ABCA13: variants seen among roughly 807,000 people sequenced by gnomAD.
ABCA13 encodes ATP binding cassette subfamily A member 13, also known as ATP-binding cassette sub-family A member 13.
Under a neutral mutation model 478.7 loss-of-function variants are expected in ABCA13, and 476 were observed. The observed-to-expected ratio is 0.99, with a 90% CI of 0.92 to 1.07. The LOEUF (loss-of-function observed/expected upper bound fraction) is 1.07. ABCA13 is among the 50% of genes least tolerant of loss of function. The pLI is 0.00. For synonymous variants in ABCA13, 2,252 were observed against 2,158.9 expected (o/e 1.04, Z -1.20); for missense variants, 6,060 against 5,910.6 (o/e 1.03, Z -0.83).
At chr7:48,257,070 A>G (rs1191822435) in intron 15 of ABCA13, among the ~76,000 whole-genome samples, 1 of 151,948 alleles carries the variant, frequency 6.6e-6, no homozygotes, top group Non-Finnish European at 1.5e-5. Context: ...TTTTGTGGCT[A>G]TTGTGAATGT....
chr7:48,504,335 T>C (rs1204641773), intron 48 of ABCA13, among the ~76,000 whole-genome samples: 1 of 152,112 alleles, frequency 6.6e-6, no homozygotes, highest in African/African-American at 2.4e-5. Context: ...GGGTGAGGGA[T>C]TCATGAGTGT....
chr7:48,547,069 G>A (rs1430131415), intron 55 of ABCA13, among the ~76,000 whole-genome samples: 2 of 151,836 alleles, frequency 1.3e-5, no homozygotes, highest in East Asian at 3.9e-4. Context: ...TAAAAAAATG[G>A]TCTAACTGTG....
At chr7:48,197,217 G>A (rs144243449) in intron 2 of ABCA13, among the ~76,000 whole-genome samples, 452 of 152,292 alleles carry the variant, frequency 3.0e-3, no homozygotes, top group African/African-American at 0.01. Context: ...TGTGAAAACC[G>A]CTGTCAGGGC....
At chr7:48,293,297 T>C (rs774961548) in intron 20 of ABCA13, among the ~76,000 whole-genome samples, 2 of 150,526 alleles carry the variant, frequency 1.3e-5, no homozygotes, top group African/African-American at 4.9e-5. Flanking sequence ...TTTTCAGCAG[T>C]CTTCACATTT....
intron 42 of ABCA13, among the ~76,000 whole-genome samples, chr7:48,443,475 C>T (rs1471856035): frequency 6.6e-6 from 1 of 152,210 alleles, no homozygotes; most frequent in Non-Finnish European, 1.5e-5. Flanking sequence ...CTGGAAGCCT[C>T]TCAGCTCTTC....
chr7:48,462,333 C>T (rs1437561932), intron 43 of ABCA13, among the ~76,000 whole-genome samples: 2 of 151,936 alleles, frequency 1.3e-5, no homozygotes, highest in Non-Finnish European at 2.9e-5. Flanking sequence ...TTGTAGCTTC[C>T]AGGTATGAAG....
intron 42 of ABCA13, among the ~76,000 whole-genome samples, chr7:48,440,176 C>T (rs1823390992): frequency 6.6e-6 from 1 of 152,034 alleles, no homozygotes; most frequent in African/African-American, 2.4e-5. Flanking sequence ...ATTGTACAAC[C>T]AGATGGATTT....
At chr7:48,510,546 A>G (rs1831581882) in intron 50 of ABCA13, among the ~76,000 whole-genome samples, 1 of 152,226 alleles carries the variant, frequency 6.6e-6, no homozygotes, top group Non-Finnish European at 1.5e-5. Flanking sequence ...ATGGATATGC[A>G]TGACAGTAGT....
intron 2 of ABCA13, among the ~76,000 whole-genome samples, chr7:48,197,517 C>T (rs989765990): frequency 6.6e-6 from 1 of 151,928 alleles, no homozygotes; most frequent in South Asian, 2.1e-4. Context: ...GCCTGAAGAG[C>T]AAAGGGAGTG....
At chr7:48,201,908 C>T (rs1352614606) in intron 3 of ABCA13, among the ~76,000 whole-genome samples, 1 of 151,974 alleles carries the variant, frequency 6.6e-6, no homozygotes, top group Non-Finnish European at 1.5e-5. Flanking sequence ...GGAGTTTCTT[C>T]CTTCTGGTGG....
chr7:48,561,999 G>A (rs1320471391), intron 55 of ABCA13, among the ~76,000 whole-genome samples: 4 of 151,682 alleles, frequency 2.6e-5, no homozygotes, highest in Non-Finnish European at 5.9e-5. Context: ...AACAGGCCCC[G>A]TCTCATAAGC....
In ABCA13 at chr7:48,646,093, C is replaced by G. The variant is rs372907691; in HGVS notation, c.*581C>G. On this transcript the variant is annotated 3_prime_UTR_variant, in exon 62 of 62. Transcript: ENST00000435803. ...ACCAATTTTTTACATATAAAAGATA[C>G]CTTTTTAAAAAAATAGGTTTTAAGA... 4 of 152,052 alleles carry G rather than the reference C, an allele frequency of 2.6e-5. No homozygotes were observed. The highest frequency in any genetic ancestry group is 2.1e-4 in the South Asian group (1 of 4,814). The allele number at this position is 152,052 out of a possible 1,614,324, so 9.4% of individuals were successfully genotyped here.
chr7:48,565,413 C>G (rs1169640877), intron 55 of ABCA13, among the ~76,000 whole-genome samples: 1 of 151,864 alleles, frequency 6.6e-6, no homozygotes, highest in Non-Finnish European at 1.5e-5. Context: ...ACTGAAGTCC[C>G]GAAATGAATG....
chr7:48,388,261 C>T (rs941632423), intron 36 of ABCA13, among the ~76,000 whole-genome samples: 3 of 152,094 alleles, frequency 2.0e-5, no homozygotes, highest in Non-Finnish European at 2.9e-5. Context: ...AAAATTGAAG[C>T]GTTAGTCCCA....
rs559168154 is a variant in ABCA13, at chr7:48,400,443, T to C, written c.11874-3240T>C. 2.0e-5 allele frequency among the ~76,000 whole-genome samples: 3 copies of C among 152,330 alleles called. No homozygotes were observed. In the East Asian group the frequency reaches 5.8e-4, roughly 29 times the overall value. On this transcript the variant is annotated intron_variant, in intron 38 of 61. Coordinates refer to ENST00000435803, the MANE Select transcript of ABCA13 (RefSeq NM_152701.5). ...TCCTTTCCCTGCTGCCTAGCAATGTTCTCAATTAGAGGATTATCCTGTCCT... is the reference window on the plus strand; with the variant it reads ...TCCTTTCCCTGCTGCCTAGCAATGTCCTCAATTAGAGGATTATCCTGTCCT...
chr7:48,248,399 A>T lies in ABCA13; in HGVS notation c.1820A>T (p.Asn607Ile). The part of the protein sequence containing the change: ...LLLGADPSPE[N>I]DVFSSDCKHQ... Reference sequence around the variant, plus strand: ...CTGGGAGCTGATCCCTCTCCTGAGAATGATGTCTTTTCTAGTGACTGTAAG... The same window carrying T: ...CTGGGAGCTGATCCCTCTCCTGAGATTGATGTCTTTTCTAGTGACTGTAAG... The change falls in exon 14 of 62, where the codon AAT (asparagine) becomes ATT (isoleucine). Residue 607 changes from asparagine to isoleucine, a missense_variant. Physicochemically the swap from Asn to Ile is moderately radical, Grantham distance 149 (BLOSUM62 -3). This residue lies in a region of ABCA13 where 4,423 missense variants were observed against 4,309.1 expected (regional missense o/e 1.03). Coordinates refer to ENST00000435803, the MANE Select transcript of ABCA13 (RefSeq NM_152701.5). The T allele has an allele frequency of 1.9e-6, 3 of 1,613,166 alleles. No individual in the cohort carries two copies. The highest frequency in any genetic ancestry group is 1.7e-6 in the Non-Finnish European group (2 of 1,179,484).
intron 53 of ABCA13, 130 bp from the exon 54 acceptor site, chr7:48,524,118 C>A: frequency 3.9e-6 from 3 of 778,752 alleles, no homozygotes; most frequent in Non-Finnish European, 6.0e-6. Context: ...GTGCTCTGGA[C>A]AAAGCTGACT....
chr7:48,390,809 G>A (rs945642084), intron 37 of ABCA13, among the ~76,000 whole-genome samples: 3 of 152,196 alleles, frequency 2.0e-5, no homozygotes, highest in Non-Finnish European at 4.4e-5. Context: ...CCATATGGAG[G>A]CAACCCAGCT....
chr7:48,414,760 A>C (rs1203921971), intron 41 of ABCA13, among the ~76,000 whole-genome samples: 2 of 152,136 alleles, frequency 1.3e-5, no homozygotes, highest in Non-Finnish European at 2.9e-5. Context: ...GTGCCACTGC[A>C]TCTGGCACCA....
Sources: allele counts gnomAD v4.1 joint callset (sites outside exome capture counted in the v4.1 genomes callset), GRCh38; gene constraint gnomAD v4.1.1; regional missense constraint gnomAD v4.1.1; transcripts MANE v1.5; gene names NCBI Gene and HGNC (gene_info 2026-07-23, HGNC 2026-07-21).